TSPAN10: variants seen among roughly 807,000 people sequenced by gnomAD.
TSPAN10 encodes tetraspanin 10.
TSPAN10 carries 11 observed loss-of-function variants against 15.0 expected under a neutral mutation model. The observed-to-expected ratio is 0.73, with a 90% confidence interval of 0.46 to 1.21. The LOEUF (loss-of-function observed/expected upper bound fraction) is 1.21. Ranked by LOEUF, TSPAN10 falls within the 50% of genes most tolerant of loss-of-function variation. The pLI, the probability that TSPAN10 is intolerant of heterozygous loss-of-function variation, is 0.00. For missense variants in TSPAN10, 486 were observed against 470.6 expected (o/e 1.03, Z -0.30); for synonymous variants, 241 against 226.2 (o/e 1.07, Z -0.59).
At chr17:81,641,151 C>T (rs947308467), upstream of TSPAN10, among the ~76,000 whole-genome samples, 1 of 151,308 alleles carries the variant, frequency 6.6e-6, no homozygotes, top group Non-Finnish European at 1.5e-5. Context: ...AGCAACAGAG[C>T]GAGACTCTTG....
At chr17:81,644,195 G>A (rs1292613667) in intron 1 of TSPAN10, among the ~76,000 whole-genome samples, 1 of 152,092 alleles carries the variant, frequency 6.6e-6, no homozygotes, top group African/African-American at 2.4e-5. Flanking sequence ...CTTCCCGGCA[G>A]AACTGGGCAC....
Position 81,647,760 on chromosome 17 carries a change from A to G in TSPAN10, c.675-141A>G, listed in dbSNP as rs879019551. 50 of 837,630 alleles carry G rather than the reference A, an allele frequency of 6.0e-5. 1 individual carries two copies. The highest frequency in any genetic ancestry group is 4.1e-4 in the South Asian group (26 of 62,836). The allele number at this position is 837,630 out of a possible 1,614,324, so 51.9% of individuals were successfully genotyped here. On this transcript the variant is annotated intron_variant, in intron 2 of 2. Coordinates refer to ENST00000611590, the Ensembl canonical transcript of TSPAN10. ...TGTCCGTGTGTGCAGGTGTGTGCGA[A>G]TAGGAGGGCGTATGCACGTGTGTGC...
chr17:81,645,388 G>A lies in TSPAN10; in HGVS notation c.433G>A (p.Glu145Lys), dbSNP rs200753733. ...GGCTGGCTACCTGGGCGCCCTCTGT[G>A]AGAACACCTGCCTGTTACGTGGCTT... is the stretch of plus-strand genomic sequence containing the variant. Residue 145 changes from glutamate to lysine, a missense_variant, in exon 2 of 3, where the codon GAG becomes AAG. Transcript: ENST00000611590. 4.8e-4 allele frequency: 768 copies of A among 1,600,054 alleles called. 2 individuals are homozygous for A. Among genetic ancestry groups the A allele is most frequent in the Middle Eastern group, 3.3e-3 (20 of 5,990 alleles).
intron 1 of TSPAN10, among the ~76,000 whole-genome samples, chr17:81,643,333 C>A (rs1235904776): frequency 2.7e-5 from 1 of 37,574 alleles, no homozygotes; most frequent in Non-Finnish European, 4.1e-5. Flanking sequence ...CCGGGACGGC[C>A]GGGCGCGGTG....
chr17:81,644,191 G>A (rs996525473), intron 1 of TSPAN10, among the ~76,000 whole-genome samples: 11 of 152,064 alleles, frequency 7.2e-5, no homozygotes, highest in Admixed American at 5.2e-4. Context: ...AACTCTTCCC[G>A]GCAGAACTGG....
chr17:81,644,247 C>G (rs1240296645), intron 1 of TSPAN10, among the ~76,000 whole-genome samples: 4 of 152,150 alleles, frequency 2.6e-5, no homozygotes, highest in Non-Finnish European at 5.9e-5. Flanking sequence ...GACCAGCAAG[C>G]CTTTCCTGCC....
upstream of TSPAN10, chr17:81,638,336 T>C (rs908335217): frequency 2.0e-5 from 3 of 152,176 alleles, no homozygotes; most frequent in Non-Finnish European, 4.4e-5. Context: ...TCTCACTCTG[T>C]CACCCACACT....
At chr17:81,645,067 G>T in exon 2 of TSPAN10, 1 of 1,595,876 alleles carries the variant, frequency 6.3e-7, no homozygotes, top group East Asian at 2.2e-5. Flanking sequence ...GCCCAGGGAG[G>T]ACCAGGCGGA....
At chr17:81,647,991 C>T in exon 3 of TSPAN10, 1 of 1,611,260 alleles carries the variant, frequency 6.2e-7, no homozygotes, top group Non-Finnish European at 8.5e-7. Context: ...CCTCTGTCAA[C>T]GACCAGTGCG....
upstream of TSPAN10, among the ~76,000 whole-genome samples, chr17:81,641,146 C>G (rs184579743): frequency 1.1e-3 from 170 of 151,794 alleles, no homozygotes; most frequent in Non-Finnish European, 1.9e-3. Context: ...GCCTCAGCAA[C>G]AGAGCGAGAC....
chr17:81,639,200 CTTTTCTTTTTTTT>C (rs1043086744), upstream of TSPAN10: 5 of 115,252 alleles, frequency 4.3e-5, no homozygotes, highest in African/African-American at 1.8e-4. Context: ...TTTGGAATTA[CTTTTCTTTTTTTT>C]TTTTTTTTTT....
At chr17:81,640,203 C>CT (rs1331258824), upstream of TSPAN10, among the ~76,000 whole-genome samples, 1 of 152,090 alleles carries the variant, frequency 6.6e-6, no homozygotes, top group Non-Finnish European at 1.5e-5. Flanking sequence ...AGGCTGGTCT[C>CT]TAACTACTAC....
upstream of TSPAN10, among the ~76,000 whole-genome samples, chr17:81,641,448 C>T (rs948257335): frequency 6.6e-6 from 1 of 151,894 alleles, no homozygotes; most frequent in African/African-American, 2.4e-5. Context: ...TCATGGACCT[C>T]CCTCCCACCC....
chr17:81,644,941 TCA>T (rs2036222935), intron 1 of TSPAN10, 49 bp from the exon 3 acceptor site: 11 of 1,599,940 alleles, frequency 6.9e-6, no homozygotes, highest in Admixed American at 1.7e-5. Flanking sequence ...TCACCAGTTG[TCA>T]CAGAGTCTGG....
upstream of TSPAN10, chr17:81,637,623 A>AC (rs141935448): frequency 0.13 from 62,945 of 495,402 alleles, 4,598 homozygotes; most frequent in Middle Eastern, 0.18. Flanking sequence ...AAATGGTGAA[A>AC]CCCCGTCTCT....
chr17:81,641,709 G>A (rs7215539), upstream of TSPAN10, among the ~76,000 whole-genome samples: 76,362 of 151,658 alleles, frequency 0.5, 21,105 homozygotes, highest in East Asian at 0.99. Context: ...TGAGTCCAGG[G>A]GTTCAAGACC....
exon 3 of TSPAN10, chr17:81,648,020 T>G (rs1235061476): frequency 1.2e-6 from 2 of 1,607,446 alleles, no homozygotes; most frequent in Admixed American, 3.4e-5. Flanking sequence ...GTCCTGCGCC[T>G]GGATGCGGAC....
upstream of TSPAN10, chr17:81,637,974 AT>A (rs2036129587): frequency 1.3e-5 from 2 of 151,552 alleles, no homozygotes; most frequent in African/African-American, 2.4e-5. Flanking sequence ...GATTCTAAGG[AT>A]TTTTGGAGTT....
At chr17:81,640,368 A>G (rs1172233754), upstream of TSPAN10, among the ~76,000 whole-genome samples, 1 of 151,980 alleles carries the variant, frequency 6.6e-6, no homozygotes, top group Admixed American at 6.6e-5. Context: ...TTCTGTGCAC[A>G]CATTCCTCGT....
Sources: allele counts gnomAD v4.1 joint callset (sites outside exome capture counted in the v4.1 genomes callset), GRCh38; gene constraint gnomAD v4.1.1; transcripts MANE v1.5; gene names NCBI Gene and HGNC (gene_info 2026-07-23, HGNC 2026-07-21).